The following CAMK2D variants were observed in gnomAD, a reference collection of about 807,000 sequenced individuals.
CAMK2D encodes calcium/calmodulin-dependent protein kinase type II subunit delta.
In CAMK2D, 37 loss-of-function variants were observed where a neutral mutation model predicts 84.0. The observed-to-expected ratio is 0.44, with a 90% CI of 0.34 to 0.58. The LOEUF is 0.58. Among genes scored for constraint, CAMK2D ranks in the 20% least tolerant of loss-of-function variants. CAMK2D has a pLI of 0.02. For synonymous variants in CAMK2D, 202 were observed against 212.5 expected, an observed-to-expected ratio of 0.95 and a Z score of 0.43; for missense variants, 448 against 652.5, an observed-to-expected ratio of 0.69 and a Z score of 3.41.
chr4:113,712,693 T>C (rs766276566), intron 2 of CAMK2D, among the ~76,000 whole-genome samples: 1 of 151,998 alleles, frequency 6.6e-6, no homozygotes, highest in Non-Finnish European at 1.5e-5. Context: ...GAAAGTTTTA[T>C]CACGTAAAAA....
At chr4:113,502,545 AG>A (rs2098067034) in intron 15 of CAMK2D, among the ~76,000 whole-genome samples, 1 of 151,952 alleles carries the variant, frequency 6.6e-6, no homozygotes, top group Non-Finnish European at 1.5e-5. Flanking sequence ...TATAAAGTCA[AG>A]TTGATATTTT....
chr4:113,523,330 A>G (rs2098385693), intron 8 of CAMK2D, among the ~76,000 whole-genome samples: 1 of 152,182 alleles, frequency 6.6e-6, no homozygotes, highest in Non-Finnish European at 1.5e-5. Flanking sequence ...TTGGTGTTGC[A>G]TCAACATCAC....
intron 16 of CAMK2D, among the ~76,000 whole-genome samples, chr4:113,499,285 G>C (rs1427062672): frequency 6.6e-6 from 1 of 152,156 alleles, no homozygotes; most frequent in Admixed American, 6.5e-5. Context: ...TCTTGACACA[G>C]CTATCTACCT....
intron 10 of CAMK2D, 39 bp from the exon 11 acceptor site, chr4:113,513,952 T>C: frequency 1.1e-6 from 1 of 920,158 alleles, no homozygotes; most frequent in Non-Finnish European, 1.7e-6. Flanking sequence ...ATTGAGAATA[T>C]TTAAAACACA....
chr4:113,547,294 A>G (rs933863155), intron 6 of CAMK2D, among the ~76,000 whole-genome samples: 2 of 152,256 alleles, frequency 1.3e-5, no homozygotes, highest in Non-Finnish European at 2.9e-5. Flanking sequence ...TCACATGAAT[A>G]TAAAATGTTT....
At chr4:113,495,263 C>G (rs13128941) in intron 16 of CAMK2D, among the ~76,000 whole-genome samples, 1 of 152,006 alleles carries the variant, frequency 6.6e-6, no homozygotes, top group Non-Finnish European at 1.5e-5. Flanking sequence ...TCCTCTAAGA[C>G]ATTTTTAACC....
intron 16 of CAMK2D, among the ~76,000 whole-genome samples, chr4:113,486,803 T>C (rs1480016204): frequency 6.6e-6 from 1 of 152,212 alleles, no homozygotes; most frequent in African/African-American, 2.4e-5. Context: ...TTTAGTTAAG[T>C]GCTATTGATC....
chr4:113,632,817 A>C (rs989817647), intron 3 of CAMK2D, among the ~76,000 whole-genome samples: 2 of 152,176 alleles, frequency 1.3e-5, no homozygotes, highest in African/African-American at 4.8e-5. Flanking sequence ...GAATGTGAGG[A>C]GTTTCAGATC....
chr4:113,634,937 CT>C (rs553878586), intron 3 of CAMK2D, among the ~76,000 whole-genome samples: 1 of 152,090 alleles, frequency 6.6e-6, no homozygotes, highest in Non-Finnish European at 1.5e-5. Context: ...ATTACCTAGC[CT>C]TGTAATTATC....
chr4:113,712,891 T>A (rs1268627473), intron 2 of CAMK2D, among the ~76,000 whole-genome samples: 1 of 152,034 alleles, frequency 6.6e-6, no homozygotes, highest in Non-Finnish European at 1.5e-5. Context: ...ATAAGTCCCA[T>A]GCATGTTTTT....
chr4:113,637,571 C>G (rs960790966), intron 3 of CAMK2D, among the ~76,000 whole-genome samples: 2 of 152,114 alleles, frequency 1.3e-5, no homozygotes, highest in Non-Finnish European at 2.9e-5. Flanking sequence ...AAGCTAAATG[C>G]AATCTTTTGT....
intron 8 of CAMK2D, 87 bp from the exon 9 acceptor site, chr4:113,517,744 T>C: frequency 1.5e-6 from 1 of 675,240 alleles, no homozygotes; most frequent in Non-Finnish European, 2.7e-6. Flanking sequence ...TATTAAGCCG[T>C]AGTTGTTAAA....
chr4:113,639,132 C>G (rs1386792246), intron 3 of CAMK2D, among the ~76,000 whole-genome samples: 2 of 151,408 alleles, frequency 1.3e-5, no homozygotes, highest in African/African-American at 4.9e-5. Context: ...GTAGCCCCAG[C>G]TTCTCAGGAG....
intron 16 of CAMK2D, among the ~76,000 whole-genome samples, chr4:113,468,852 C>G (rs1198729912): frequency 6.6e-6 from 1 of 152,174 alleles, no homozygotes; most frequent in Admixed American, 6.5e-5. Flanking sequence ...GAAGCTTCTT[C>G]CACTCCAGAG....
At chr4:113,576,681 T>G (rs2098784248) in intron 4 of CAMK2D, among the ~76,000 whole-genome samples, 1 of 152,162 alleles carries the variant, frequency 6.6e-6, no homozygotes, top group Non-Finnish European at 1.5e-5. Context: ...AAATACTTTT[T>G]AACTGCAGAT....
intron 8 of CAMK2D, among the ~76,000 whole-genome samples, chr4:113,523,906 C>T (rs1300625854): frequency 6.6e-6 from 1 of 151,872 alleles, no homozygotes; most frequent in Non-Finnish European, 1.5e-5. Context: ...CTTTTTCACC[C>T]AGGCTGAAGT....
intron 2 of CAMK2D, among the ~76,000 whole-genome samples, chr4:113,750,643 T>C (rs1379672863): frequency 6.6e-6 from 1 of 152,164 alleles, no homozygotes; most frequent in South Asian, 2.1e-4. Flanking sequence ...AAAGATCTAA[T>C]GATGAGCTGA....
rs76609814 is a variant in CAMK2D at position 113,712,806 on chromosome 4, A to G, written c.160+46514T>C. 2.0e-3 allele frequency among the ~76,000 whole-genome samples: 298 copies of G among 152,202 alleles called. 8 individuals are homozygous for G. In the East Asian group the frequency reaches 0.055, roughly 28 times the overall value. Reference sequence around the variant, plus strand: ...AAAAAAGGGAAAAAAAGTCATATATATACATAAACCCTCAAGCCTCCATCT... The same window carrying G: ...AAAAAAGGGAAAAAAAGTCATATATGTACATAAACCCTCAAGCCTCCATCT... On this transcript the variant is annotated intron_variant, in intron 2 of 20. Coordinates refer to ENST00000511664, the MANE Select transcript of CAMK2D (RefSeq NM_001321571.2).
At chr4:113,709,569 G>A (rs1306858696) in intron 2 of CAMK2D, among the ~76,000 whole-genome samples, 6 of 149,732 alleles carry the variant, frequency 4.0e-5, no homozygotes, top group Non-Finnish European at 8.9e-5. Context: ...AATGTAAGCA[G>A]GCTGTACTAG....
Sources: gnomAD v4.1 joint callset for allele counts (sites outside exome capture counted in the v4.1 genomes callset) on GRCh38, gnomAD v4.1.1 for gene constraint, MANE v1.5 for transcripts, NCBI Gene and HGNC (gene_info 2026-07-23, HGNC 2026-07-21) for gene names.